Variants in COL15A1 observed in about 807,000 individuals in gnomAD.
COL15A1 encodes the protein collagen type XV alpha 1 chain.
A neutral mutation model predicts 165.9 loss-of-function variants in COL15A1; 111 were observed. The ratio of observed to expected loss-of-function variants is 0.67; its 90% CI spans 0.57 to 0.78. COL15A1 has a LOEUF of 0.78. COL15A1 is among the 30% of genes least tolerant of loss of function. The pLI is 0.00. For missense variants in COL15A1, 1,745 were observed against 1,789.7 expected (o/e 0.98, Z 0.45); for synonymous variants, 659 against 674.8 (o/e 0.98, Z 0.36).
intron 6 of COL15A1, among the ~76,000 whole-genome samples, chr9:98,999,667 T>A (rs1025235880): frequency 6.6e-6 from 1 of 151,508 alleles, no homozygotes; most frequent in African/African-American, 2.4e-5. Context: ...TACAGCCACA[T>A]GCCACAATGC....
intron 5 of COL15A1, among the ~76,000 whole-genome samples, chr9:98,989,499 A>AG (rs1272262065): frequency 6.6e-6 from 1 of 152,222 alleles, no homozygotes; most frequent in Non-Finnish European, 1.5e-5. Context: ...AGGGCTGTCA[A>AG]GGGCAAACGC....
chr9:98,974,929 C>G (rs921524442), intron 2 of COL15A1, among the ~76,000 whole-genome samples: 3 of 151,962 alleles, frequency 2.0e-5, no homozygotes, highest in Non-Finnish European at 4.4e-5. Flanking sequence ...GTTATGGGTT[C>G]TAGGCCTGGC....
In COL15A1 at chr9:98,965,047, A is replaced by T. The variant is rs370611794; in HGVS notation, c.101-20518A>T. ...AGGGCATAACATGCCAAGTGCTGAGAGGCTGCAAGAAAGTATGTCTCCTGC... is the reference window on the plus strand; with the variant it reads ...AGGGCATAACATGCCAAGTGCTGAGTGGCTGCAAGAAAGTATGTCTCCTGC... On this transcript the variant is annotated intron_variant, in intron 2 of 41. Coordinates refer to ENST00000375001, the MANE Select transcript of COL15A1 (RefSeq NM_001855.5). 5.3e-5 allele frequency among the ~76,000 whole-genome samples: 8 copies of T among 152,280 alleles called. No homozygotes were observed. The South Asian group carries it at 1.7e-3, about 32-fold the overall frequency.
At chr9:98,998,372 G>C (rs973979119) in intron 6 of COL15A1, among the ~76,000 whole-genome samples, 16 of 152,172 alleles carry the variant, frequency 1.1e-4, no homozygotes, top group African/African-American at 3.1e-4. Context: ...AGAAAGTATA[G>C]AGAACTGGAG....
intron 5 of COL15A1, among the ~76,000 whole-genome samples, chr9:98,992,575 G>A (rs1455394609): frequency 1.3e-5 from 2 of 152,260 alleles, no homozygotes; most frequent in African/African-American, 4.8e-5. Context: ...TGGGCTGAAG[G>A]GCTCCTCAGG....
At chr9:99,047,656 G>T in intron 26 of COL15A1, 130 bp from the exon 27 acceptor site, 3 of 920,828 alleles carry the variant, frequency 3.3e-6, no homozygotes, top group Non-Finnish European at 5.3e-6. Flanking sequence ...CTTCTACCTG[G>T]CTCCCTGCCC....
At chr9:99,064,738 A>C (rs1825867979) in intron 39 of COL15A1, among the ~76,000 whole-genome samples, 1 of 152,224 alleles carries the variant, frequency 6.6e-6, no homozygotes, top group Non-Finnish European at 1.5e-5. Flanking sequence ...GTGTCCTTCA[A>C]ATTTAGAAAC....
At position 99,015,855 on chromosome 9, in the gene COL15A1, G is replaced by A. The variant is rs936523605; in HGVS notation, c.1504-121G>A. The A allele has an allele frequency of 3.1e-5, 38 of 1,224,542 alleles. No homozygotes were observed. The African/African-American group carries it at 4.8e-4, about 15-fold the overall frequency. The allele number at this position is 1,224,542 out of a possible 1,614,324, so 75.9% of individuals were successfully genotyped here. A position where few individuals can be genotyped will look rare whatever the true frequency, so the allele number is the denominator to read the frequency against. ...TCAGAAGGGGTGTGCTGGGGGTAAC[G>A]ATGATCGTAGGTAAGAACGTGCTTT... is the stretch of plus-strand genomic sequence containing the variant. On this transcript the variant is annotated intron_variant, in intron 10 of 41. Transcript: ENST00000375001.
At chr9:99,040,676 A>G (rs535582681) in intron 23 of COL15A1, 120 bp downstream of exon 23, 2 of 1,564,632 alleles carry the variant, frequency 1.3e-6, no homozygotes, top group African/African-American at 2.7e-5. Context: ...CATCTTGTTC[A>G]TTAACTTTTT....
At chr9:98,952,545 C>T (rs1837705715) in intron 2 of COL15A1, among the ~76,000 whole-genome samples, 1 of 152,084 alleles carries the variant, frequency 6.6e-6, no homozygotes. Context: ...TTAAAATGAA[C>T]CATAGATTAG....
chr9:98,952,686 C>A (rs1837709348), intron 2 of COL15A1, among the ~76,000 whole-genome samples: 1 of 152,160 alleles, frequency 6.6e-6, no homozygotes, highest in Non-Finnish European at 1.5e-5. Flanking sequence ...CACACTTGGC[C>A]AGATTAGGGT....
In COL15A1 at chr9:99,053,102, A is replaced by G. The variant is rs1206274252; in HGVS notation, c.2950+669A>G. Among the ~76,000 whole-genome samples, 6 of 152,352 alleles carry G rather than the reference A, an allele frequency of 3.9e-5. No homozygotes were observed. In the South Asian group the frequency reaches 8.3e-4, roughly 21 times the overall value. On this transcript the variant is annotated intron_variant, in intron 31 of 41. Transcript: ENST00000375001. ...CATAGCCACATGCAGGAGCTTTGCT[A>G]TGGCACATCAGAAAGGCACAGGCCA...
At chr9:98,994,121 G>C (rs1838501357) in intron 5 of COL15A1, among the ~76,000 whole-genome samples, 1 of 151,630 alleles carries the variant, frequency 6.6e-6, no homozygotes, top group Non-Finnish European at 1.5e-5. Context: ...TTGGGGGTGG[G>C]GGTGGCATGG....
intron 2 of COL15A1, among the ~76,000 whole-genome samples, chr9:98,980,248 G>A (rs1043771072): frequency 1.3e-5 from 2 of 152,310 alleles, no homozygotes; most frequent in East Asian, 1.9e-4. Context: ...TGGTTACTGG[G>A]AAGACAGATG....
chr9:99,011,680 A>C (rs2118978600), intron 9 of COL15A1, among the ~76,000 whole-genome samples: 1 of 152,284 alleles, frequency 6.6e-6, no homozygotes, highest in East Asian at 1.9e-4. Flanking sequence ...TTTTAATTGG[A>C]ATATACCCAA....
chr9:99,032,049 C>T (rs1473005704), intron 16 of COL15A1, among the ~76,000 whole-genome samples: 5 of 152,122 alleles, frequency 3.3e-5, no homozygotes, highest in Non-Finnish European at 7.4e-5. Context: ...AGCACAAAGT[C>T]AGATTCACTC....
At chr9:99,058,167 T>TA (rs1175169294) in intron 35 of COL15A1, among the ~76,000 whole-genome samples, 3 of 152,220 alleles carry the variant, frequency 2.0e-5, no homozygotes, top group Admixed American at 6.5e-5. Context: ...ACTGACAACT[T>TA]ACAGCTTCCA....
intron 5 of COL15A1, among the ~76,000 whole-genome samples, chr9:98,994,361 G>A (rs996559257): frequency 6.6e-6 from 1 of 152,092 alleles, no homozygotes; most frequent in African/African-American, 2.4e-5. Flanking sequence ...CCTCCATGGC[G>A]CCTTAGTTCC....
Position 99,024,167 on chromosome 9 carries a change from A to G in COL15A1, c.1855-707A>G, listed in dbSNP as rs575994945. Among the ~76,000 whole-genome samples, 60 of 152,330 alleles carry G rather than the reference A, an allele frequency of 3.9e-4. No individual in the cohort carries two copies. In the South Asian group the frequency reaches 0.012, roughly 30 times the overall value. ...CCGTGGTTAAATGGAATGGGAGCCAAATGAATCTCCCAGCCTGGTGGGATC... is the reference window on the plus strand; with the variant it reads ...CCGTGGTTAAATGGAATGGGAGCCAGATGAATCTCCCAGCCTGGTGGGATC... On this transcript the variant is annotated intron_variant, in intron 14 of 41. Coordinates refer to ENST00000375001, the MANE Select transcript of COL15A1 (RefSeq NM_001855.5).
Sources: gnomAD v4.1 joint callset for allele counts (sites outside exome capture counted in the v4.1 genomes callset) on GRCh38, gnomAD v4.1.1 for gene constraint, MANE v1.5 for transcripts, NCBI Gene and HGNC (gene_info 2026-07-23, HGNC 2026-07-21) for gene names.